ZCWPW2: variants seen among roughly 807,000 people sequenced by gnomAD.
ZCWPW2 encodes zinc finger CW-type and PWWP domain containing 2, also known as zinc finger CW-type PWWP domain protein 2.
ZCWPW2 carries 45 observed loss-of-function variants against 46.6 expected under a neutral mutation model. The observed-to-expected ratio is 0.96, with a 90% CI of 0.76 to 1.24. The LOEUF (loss-of-function observed/expected upper bound fraction) is 1.24, where lower values mean the gene tolerates loss of function less well. Ranked by LOEUF, ZCWPW2 falls within the 50% of genes most tolerant of loss-of-function variation. The pLI, the probability that ZCWPW2 is intolerant of heterozygous loss-of-function variation, is 0.00. For synonymous variants in ZCWPW2, 152 were observed against 137.1 expected (o/e 1.11, Z -0.76); for missense variants, 429 against 403.9 (o/e 1.06, Z -0.53).
chr3:28,384,610 CTTTCTTT>C (rs1695207158), intron 1 of ZCWPW2, among the ~76,000 whole-genome samples: 1 of 143,528 alleles, frequency 7.0e-6, no homozygotes, highest in African/African-American at 2.6e-5. Flanking sequence ...ACCAATCTTT[CTTTCTTT>C]TTTTTTTTTT....
chr3:28,402,064 C>T lies in ZCWPW2; in HGVS notation c.-13-10992C>T, dbSNP rs541040585. ...AACCAAGCAGAAGAAAGGAAACAAC[C>T]AAGATCAGAGCAGAACTAAATGAAA... On this transcript the variant is annotated intron_variant, in intron 2 of 9. Transcript: ENST00000383768. Among the ~76,000 whole-genome samples the T allele has an allele frequency of 1.9e-4, 28 of 150,836 alleles. No homozygotes were observed. The South Asian group carries it at 2.7e-3, about 15-fold the overall frequency.
intron 6 of ZCWPW2, chr3:28,511,098 A>T: frequency 2.2e-6 from 1 of 455,830 alleles, no homozygotes; most frequent in South Asian, 1.6e-5. Context: ...AGTGAAAAGG[A>T]TCAACACTGG....
At chr3:28,452,967 TTGATTCTTCAGTACA>T (rs548501638) in intron 4 of ZCWPW2, among the ~76,000 whole-genome samples, 292 of 152,312 alleles carry the variant, frequency 1.9e-3, no homozygotes, top group African/African-American at 6.6e-3. Flanking sequence ...ATCTTATTCT[TTGATTCTTCAGTACA>T]TGACTGAAAT....
At chr3:28,353,203 A>T (rs989228021) in intron 1 of ZCWPW2, among the ~76,000 whole-genome samples, 11 of 152,048 alleles carry the variant, frequency 7.2e-5, no homozygotes, top group Non-Finnish European at 1.5e-5. Context: ...AAAATCCTTT[A>T]TATATTTTAT....
At chr3:28,493,662 C>T (rs1217117610) in intron 6 of ZCWPW2, among the ~76,000 whole-genome samples, 1 of 51,044 alleles carries the variant, frequency 2.0e-5, no homozygotes, top group Non-Finnish European at 4.1e-5. Context: ...TGGGTATATA[C>T]CCAGTAATGG....
At chr3:28,411,345 A>C (rs937344693) in intron 2 of ZCWPW2, among the ~76,000 whole-genome samples, 13 of 151,816 alleles carry the variant, frequency 8.6e-5, no homozygotes, top group Non-Finnish European at 5.9e-5. Flanking sequence ...TAATATCAAC[A>C]AAAAAAATCC....
chr3:28,522,213 T>C (rs7631793), intron 9 of ZCWPW2, among the ~76,000 whole-genome samples: 25,651 of 152,084 alleles, frequency 0.17, 2,564 homozygotes, highest in East Asian at 0.47. Flanking sequence ...TGTGTACATA[T>C]GTAACAAACC....
intron 6 of ZCWPW2, among the ~76,000 whole-genome samples, chr3:28,507,116 G>A (rs2125828648): frequency 6.6e-6 from 1 of 152,276 alleles, no homozygotes; most frequent in Non-Finnish European, 1.5e-5. Context: ...TCTAGATCCT[G>A]TTATACCAAA....
chr3:28,514,034 C>G (rs1177870317), intron 6 of ZCWPW2, 30 bp from the exon 7 acceptor site: 6 of 1,465,644 alleles, frequency 4.1e-6, no homozygotes, highest in Non-Finnish European at 4.6e-6. Context: ...CCTATATGAA[C>G]TAACTCATAT....
chr3:28,522,265 T>A (rs950729431), intron 9 of ZCWPW2, among the ~76,000 whole-genome samples: 45 of 152,134 alleles, frequency 3.0e-4, no homozygotes, highest in South Asian at 2.1e-4. Context: ...AAGTATAATT[T>A]AAAAAAATGG....
At chr3:28,430,258 A>T (rs570059629) in intron 3 of ZCWPW2, among the ~76,000 whole-genome samples, 26 of 152,338 alleles carry the variant, frequency 1.7e-4, no homozygotes, top group Admixed American at 9.1e-4. Context: ...CGTGACCTGG[A>T]TGTGAGACAT....
chr3:28,502,535 G>T (rs1482491253), intron 6 of ZCWPW2, among the ~76,000 whole-genome samples: 1 of 152,106 alleles, frequency 6.6e-6, no homozygotes, highest in African/African-American at 2.4e-5. Flanking sequence ...GAAGTACAGG[G>T]TAAATGCGTG....
intron 1 of ZCWPW2, among the ~76,000 whole-genome samples, chr3:28,368,728 C>G (rs1705210954): frequency 6.6e-6 from 1 of 152,198 alleles, no homozygotes; most frequent in South Asian, 2.1e-4. Flanking sequence ...TGGGGAAGTT[C>G]TCCTGGATAA....
At chr3:28,373,763 C>T (rs1575062193) in intron 1 of ZCWPW2, among the ~76,000 whole-genome samples, 1 of 152,290 alleles carries the variant, frequency 6.6e-6, no homozygotes, top group East Asian at 1.9e-4. Flanking sequence ...GTGTGACCCA[C>T]CGCACCTGGC....
chr3:28,368,722 G>A (rs189514377), intron 1 of ZCWPW2, among the ~76,000 whole-genome samples: 82 of 152,316 alleles, frequency 5.4e-4, no homozygotes, highest in Middle Eastern at 6.8e-3. Flanking sequence ...CTAGATTGGG[G>A]AAGTTCTCCT....
At chr3:28,422,047 A>G (rs549056881) in intron 3 of ZCWPW2, among the ~76,000 whole-genome samples, 5 of 152,092 alleles carry the variant, frequency 3.3e-5, no homozygotes, top group African/African-American at 1.2e-4. Flanking sequence ...AATTGACTTT[A>G]TCTTTTAGAG....
intron 6 of ZCWPW2, among the ~76,000 whole-genome samples, chr3:28,498,749 A>G (rs899712513): frequency 1.3e-5 from 2 of 151,758 alleles, no homozygotes; most frequent in Non-Finnish European, 2.9e-5. Context: ...TGCTGCACCC[A>G]TCAACCCGTC....
intron 4 of ZCWPW2, among the ~76,000 whole-genome samples, chr3:28,471,527 A>T (rs766772593): frequency 1.3e-5 from 2 of 152,228 alleles, no homozygotes; most frequent in Non-Finnish European, 1.5e-5. Flanking sequence ...GATGCTAAAA[A>T]TGAATTTGAT....
intron 1 of ZCWPW2, among the ~76,000 whole-genome samples, chr3:28,371,963 T>C (rs573417062): frequency 1.4e-5 from 2 of 146,188 alleles, no homozygotes; most frequent in African/African-American, 4.9e-5. Context: ...TCTTCTTCCT[T>C]CTTCTTTCCT....
Sources: allele counts gnomAD v4.1 joint callset (sites outside exome capture counted in the v4.1 genomes callset), GRCh38; gene constraint gnomAD v4.1.1; transcripts MANE v1.5; gene names NCBI Gene and HGNC (gene_info 2026-07-23, HGNC 2026-07-21).